The following ADAMTSL1 variants were observed in gnomAD, a reference collection of about 807,000 sequenced individuals.
ADAMTSL1 encodes ADAMTS like 1, also known as ADAMTS-like protein 1.
In ADAMTSL1, 126 loss-of-function variants were observed where a neutral mutation model predicts 201.8. The observed-to-expected ratio is 0.62, with a 90% CI of 0.54 to 0.72. The LOEUF is 0.72. Ranked by LOEUF, ADAMTSL1 falls within the 30% of genes least tolerant of loss-of-function variation. The pLI is 0.00. For missense variants in ADAMTSL1, 2,679 were observed against 2,277.8 expected, an observed-to-expected ratio of 1.18 and a Z score of -3.59; for synonymous variants, 1,121 against 903.4, an observed-to-expected ratio of 1.24 and a Z score of -4.32.
chr9:18,283,742 C>T (rs569243628), intron 2 of ADAMTSL1, among the ~76,000 whole-genome samples: 2 of 148,544 alleles, frequency 1.3e-5, no homozygotes, highest in South Asian at 2.1e-4. Flanking sequence ...GAAACCACAT[C>T]TCTACTAAAA....
chr9:18,237,213 G>A (rs756907567), intron 2 of ADAMTSL1, among the ~76,000 whole-genome samples: 1 of 152,158 alleles, frequency 6.6e-6, no homozygotes, highest in Non-Finnish European at 1.5e-5. Context: ...GCTCTCCAAT[G>A]TGGGAGATGG....
intron 9 of ADAMTSL1, among the ~76,000 whole-genome samples, chr9:18,667,343 G>T (rs534680299): frequency 6.6e-6 from 1 of 151,362 alleles, no homozygotes; most frequent in Admixed American, 6.6e-5. Context: ...ATTAGAACAA[G>T]TGTTATGTGT....
In ADAMTSL1 at chr9:18,394,428, A is replaced by G. The variant is rs56826494; in HGVS notation, c.208-110401A>G. Among the ~76,000 whole-genome samples the G allele has an allele frequency of 5.5e-3, 844 of 152,336 alleles. 9 individuals carry two copies. The highest frequency in any genetic ancestry group is 0.019 in the African/African-American group (783 of 41,564). Reference sequence around the variant, plus strand: ...TTGTTGAATGGATATGATATTCCTGACATTGTAAATGTAAGACCAAATCAA... The same window carrying G: ...TTGTTGAATGGATATGATATTCCTGGCATTGTAAATGTAAGACCAAATCAA... On this transcript the variant is annotated intron_variant, in intron 2 of 29. Coordinates refer to the ADAMTSL1 transcript ENST00000680146.
intron 2 of ADAMTSL1, among the ~76,000 whole-genome samples, chr9:18,357,854 C>T (rs1460074234): frequency 6.6e-6 from 1 of 152,142 alleles, no homozygotes; most frequent in East Asian, 1.9e-4. Context: ...ATACTGCTAT[C>T]GTTTTAGACC....
chr9:18,647,302 T>C (rs931889574), intron 7 of ADAMTSL1, among the ~76,000 whole-genome samples: 2 of 152,054 alleles, frequency 1.3e-5, no homozygotes, highest in African/African-American at 2.4e-5. Context: ...GTCTTCCTAG[T>C]GGTCTATCAA....
At chr9:18,130,108 A>G (rs891602680) in intron 1 of ADAMTSL1, among the ~76,000 whole-genome samples, 3 of 152,086 alleles carry the variant, frequency 2.0e-5, no homozygotes, top group Non-Finnish European at 4.4e-5. Flanking sequence ...TTCCTGTGGA[A>G]TCTTTGAGCC....
At chr9:18,501,626 G>C (rs969811466) in intron 1 of ADAMTSL1, among the ~76,000 whole-genome samples, 1 of 151,906 alleles carries the variant, frequency 6.6e-6, no homozygotes, top group Non-Finnish European at 1.5e-5. Context: ...AATACTTCTA[G>C]ATTTTAAATA....
intron 11 of ADAMTSL1, chr9:18,680,888 A>G (rs1830434047): frequency 8.0e-6 from 2 of 250,796 alleles, no homozygotes; most frequent in South Asian, 5.8e-5. Flanking sequence ...TTTTGTATGT[A>G]TTATGCTTTG....
At position 18,892,470 on chromosome 9, in the gene ADAMTSL1, G is replaced by C; in HGVS notation, c.4725G>C (p.Leu1575=). The C allele has an allele frequency of 6.2e-7, 1 of 1,612,876 alleles. No individual in the cohort carries two copies. The highest frequency in any genetic ancestry group is 1.1e-5 in the South Asian group (1 of 90,576). ...CCCGCAGGGTGACCTGTCAAAAGCT[G>C]AAAGCCTCTGGGATCTCCACCCCTG... is the stretch of plus-strand genomic sequence containing the variant. ...VQTRRVTCQK[L]KASGISTPVS... is the part of the protein sequence containing the mutation. The change falls in exon 26 of 29, where the codon CTG becomes CTC. Residue 1575 remains leucine (L), a synonymous_variant. Coordinates refer to ENST00000380548, the MANE Select transcript of ADAMTSL1 (RefSeq NM_001040272.6).
chr9:18,449,872 G>T (rs1243208663), intron 2 of ADAMTSL1, among the ~76,000 whole-genome samples: 1 of 152,148 alleles, frequency 6.6e-6, no homozygotes, highest in African/African-American at 2.4e-5. Flanking sequence ...TTAAAAACTG[G>T]CAGTAGTAAG....
intron 1 of ADAMTSL1, among the ~76,000 whole-genome samples, chr9:18,071,572 T>A (rs980460266): frequency 6.6e-6 from 1 of 152,148 alleles, no homozygotes; most frequent in African/African-American, 2.4e-5. Flanking sequence ...ACTCAGAGGG[T>A]AGGAATGATA....
intron 2 of ADAMTSL1, among the ~76,000 whole-genome samples, chr9:18,166,670 C>T (rs986981203): frequency 6.6e-6 from 1 of 151,850 alleles, no homozygotes; most frequent in African/African-American, 2.4e-5. Context: ...CTAGGAAACA[C>T]CATGTCTCAC....
chr9:18,398,147 T>G (rs890866977), intron 2 of ADAMTSL1, among the ~76,000 whole-genome samples: 1 of 152,134 alleles, frequency 6.6e-6, no homozygotes, highest in Non-Finnish European at 1.5e-5. Flanking sequence ...TCTTACTAAA[T>G]TTCTCAAATT....
chr9:18,564,291 T>C (rs1156323967), intron 3 of ADAMTSL1, among the ~76,000 whole-genome samples: 2 of 152,276 alleles, frequency 1.3e-5, no homozygotes, highest in East Asian at 1.9e-4. Flanking sequence ...TGCACTTCCC[T>C]GGTGAGGCGA....
intron 1 of ADAMTSL1, among the ~76,000 whole-genome samples, chr9:18,109,464 T>C (rs1341863411): frequency 4.6e-5 from 7 of 152,168 alleles, no homozygotes; most frequent in Non-Finnish European, 7.4e-5. Context: ...CCCCAGGTAA[T>C]AAATCATCCT....
intron 1 of ADAMTSL1, among the ~76,000 whole-genome samples, chr9:18,069,467 G>A (rs980702617): frequency 6.6e-6 from 1 of 152,066 alleles, no homozygotes; most frequent in Non-Finnish European, 1.5e-5. Context: ...AGGTTCATAA[G>A]TTTACCATTA....
rs376466829 is a variant in ADAMTSL1, at chr9:18,503,421, G to GTGTATATATATATATA, written c.64-1407_64-1406insGTATATATATATATAT. Among the ~76,000 whole-genome samples the GTGTATATATATATATA allele has an allele frequency of 6.8e-3, 778 of 115,220 alleles. 53 individuals carry two copies. The highest frequency in any genetic ancestry group is 8.6e-3 in the Admixed American group (91 of 10,610). The allele number at this position is 115,220 out of a possible 152,430, so 75.6% of individuals were successfully genotyped here. ...TTAAGGCTGAATAGTATTCCATTGTGTATATATATATATATATATACCACA... is the reference window on the plus strand; with the variant it reads ...TTAAGGCTGAATAGTATTCCATTGTGTGTATATATATATATATATATATATATATATATATACCACA... On this transcript the variant is annotated intron_variant, in intron 1 of 28. Coordinates refer to ENST00000380548, the MANE Select transcript of ADAMTSL1 (RefSeq NM_001040272.6).
At chr9:18,077,001 C>T (rs1823260544) in intron 1 of ADAMTSL1, among the ~76,000 whole-genome samples, 1 of 152,084 alleles carries the variant, frequency 6.6e-6, no homozygotes, top group African/African-American at 2.4e-5. Context: ...AGGAAGGATA[C>T]AGAATGACTC....
At chr9:18,698,703 G>C (rs1341803152) in intron 13 of ADAMTSL1, among the ~76,000 whole-genome samples, 1 of 152,210 alleles carries the variant, frequency 6.6e-6, no homozygotes, top group Admixed American at 6.5e-5. Context: ...TGTAATTCAA[G>C]AGGAAGAAGT....
Sources: allele counts gnomAD v4.1 joint callset (sites outside exome capture counted in the v4.1 genomes callset), GRCh38; gene constraint gnomAD v4.1.1; transcripts MANE v1.5; gene names NCBI Gene and HGNC (gene_info 2026-07-23, HGNC 2026-07-21).